SLC4A4: variants seen among roughly 807,000 people sequenced by gnomAD.
The protein encoded by SLC4A4 is solute carrier family 4 member 4.
A neutral mutation model predicts 111.5 loss-of-function variants in SLC4A4; 27 were observed. The ratio of observed to expected loss-of-function variants is 0.24; its 90% CI spans 0.18 to 0.33. The LOEUF is 0.33. Among genes scored for constraint, SLC4A4 ranks in the 10% least tolerant of loss-of-function variants. The pLI, the probability that SLC4A4 is intolerant of heterozygous loss-of-function variation, is 1.00. For missense variants in SLC4A4, 909 were observed against 1,315.5 expected (o/e 0.69, Z 4.78); for synonymous variants, 443 against 463.4 (o/e 0.96, Z 0.57).
intron 16 of SLC4A4, among the ~76,000 whole-genome samples, chr4:71,520,274 C>G (rs146046662): frequency 1.3e-5 from 2 of 152,182 alleles, no homozygotes; most frequent in Admixed American, 6.5e-5. Context: ...ACAGTCATTT[C>G]TCTTTTGTTC....
intron 3 of SLC4A4, among the ~76,000 whole-genome samples, chr4:71,278,075 C>G (rs915566684): frequency 9.9e-5 from 15 of 152,052 alleles, no homozygotes; most frequent in Admixed American, 3.9e-4. Flanking sequence ...AAGTTTGTAT[C>G]CTTGGACCAA....
chr4:71,476,735 G>A (rs1224076343), intron 14 of SLC4A4, among the ~76,000 whole-genome samples: 3 of 151,286 alleles, frequency 2.0e-5, no homozygotes, highest in Admixed American at 2.0e-4. Context: ...CCCAACTACT[G>A]CTTGGTAACC....
chr4:71,486,985 A>C lies in SLC4A4; in HGVS notation c.1941A>C (p.Pro647=), dbSNP rs747392826. 1.6e-5 allele frequency: 26 copies of C among 1,603,140 alleles called. No homozygotes were observed. The East Asian group carries it at 5.6e-4, about 35-fold the overall frequency. ...ISISNDTTLA[P]EYLPTMSSTD... is the part of the protein sequence containing the mutation. The stretch of plus-strand genomic sequence containing the variant: ...TATCTAATGACACCACACTGGCCCC[A>C]GAGTATTTGCCAACTATGTCTTCTA... The change falls in exon 15 of 26, where the codon CCA becomes CCC. Residue 647 remains proline (P), a synonymous_variant. Transcript: ENST00000264485.
chr4:71,493,093 A>G (rs1024462010), intron 15 of SLC4A4, among the ~76,000 whole-genome samples: 6 of 151,730 alleles, frequency 4.0e-5, no homozygotes, highest in Middle Eastern at 6.8e-3. Flanking sequence ...ACATTTTTCT[A>G]TTTTCTAGAT....
At chr4:71,172,084 A>C (rs1280764571) in intron 2 of SLC4A4, among the ~76,000 whole-genome samples, 1 of 152,164 alleles carries the variant, frequency 6.6e-6, no homozygotes, top group Non-Finnish European at 1.5e-5. Context: ...CTATGAAAAA[A>C]ATTGAGTATT....
At chr4:71,412,445 T>G (rs1050372354) in intron 7 of SLC4A4, among the ~76,000 whole-genome samples, 3 of 152,250 alleles carry the variant, frequency 2.0e-5, no homozygotes, top group African/African-American at 7.2e-5. Context: ...TATTGTTTTT[T>G]GCTCCAGATA....
At chr4:71,212,922 T>C (rs1718219073) in intron 1 of SLC4A4, among the ~76,000 whole-genome samples, 1 of 152,130 alleles carries the variant, frequency 6.6e-6, no homozygotes, top group East Asian at 1.9e-4. Context: ...TCCCATAAAT[T>C]TATATTATTG....
chr4:71,130,982 C>T (rs866929132), intron 2 of SLC4A4, among the ~76,000 whole-genome samples: 4 of 152,122 alleles, frequency 2.6e-5, no homozygotes, highest in East Asian at 3.9e-4. Flanking sequence ...ACATCTATCC[C>T]GTGCTGAGAA....
At chr4:71,084,563 C>T (rs1291476461) in intron 1 of SLC4A4, among the ~76,000 whole-genome samples, 1 of 151,936 alleles carries the variant, frequency 6.6e-6, no homozygotes, top group African/African-American at 2.4e-5. Context: ...CCTGCCCCCA[C>T]TGCACAACAG....
At chr4:71,460,128 A>C (rs6817208) in intron 12 of SLC4A4, among the ~76,000 whole-genome samples, 27,106 of 151,908 alleles carry the variant, frequency 0.18, 2,866 homozygotes, top group South Asian at 0.37. Context: ...AACCTTATTT[A>C]TGATTTCTTT....
At chr4:71,119,132 T>C (rs371857743) in intron 2 of SLC4A4, among the ~76,000 whole-genome samples, 44 of 152,348 alleles carry the variant, frequency 2.9e-4, no homozygotes, top group African/African-American at 1.0e-3. Flanking sequence ...GGGTTGCTGA[T>C]AGTGGAAAGG....
intron 2 of SLC4A4, among the ~76,000 whole-genome samples, chr4:71,125,159 G>A (rs1743528446): frequency 6.6e-6 from 1 of 152,138 alleles, no homozygotes; most frequent in Admixed American, 6.6e-5. Flanking sequence ...TAGGCAAGTG[G>A]CTTAAAAAAA....
Position 71,349,976 on chromosome 4 carries a change from A to T in SLC4A4, c.454A>T (p.Thr152Ser). 1 of 1,614,146 alleles carries T rather than the reference A, an allele frequency of 6.2e-7. No individual in the cohort carries two copies. The highest frequency in any genetic ancestry group is 8.5e-7 in the Non-Finnish European group (1 of 1,179,980). The change falls in exon 5 of 26, where the codon ACA (threonine) becomes TCA (serine). Residue 152 changes from threonine (T) to serine (S), a missense_variant. By Grantham distance (58) the Thr-to-Ser change is moderately conservative. This residue lies in a region of SLC4A4 where 312 missense variants were observed against 402.0 expected (regional missense o/e 0.78). Coordinates refer to ENST00000264485, the MANE Select transcript of SLC4A4 (RefSeq NM_001098484.3). ...GERWSKPHVA[T>S]LSLHSLFELR... ...AAGATGGAGCAAGCCCCATGTGGCCACATTGTCCCTTCATAGTTTATTTGA... is the reference window on the plus strand; with the variant it reads ...AAGATGGAGCAAGCCCCATGTGGCCTCATTGTCCCTTCATAGTTTATTTGA...
intron 2 of SLC4A4, among the ~76,000 whole-genome samples, chr4:71,145,626 C>A (rs1744142521): frequency 6.6e-6 from 1 of 152,028 alleles, no homozygotes; most frequent in Non-Finnish European, 1.5e-5. Flanking sequence ...AATTTCAGAG[C>A]CTGTTATTGG....
chr4:71,110,406 A>T (rs1216472456), intron 2 of SLC4A4, among the ~76,000 whole-genome samples: 1 of 151,974 alleles, frequency 6.6e-6, no homozygotes, highest in African/African-American at 2.4e-5. Flanking sequence ...GGGTTTCACC[A>T]TGTTGCTCAG....
intron 17 of SLC4A4, among the ~76,000 whole-genome samples, chr4:71,533,678 A>G (rs1734144584): frequency 6.6e-6 from 1 of 151,966 alleles, no homozygotes; most frequent in South Asian, 2.1e-4. Flanking sequence ...GAATTTTTAC[A>G]TTAGTTCACT....
intron 7 of SLC4A4, among the ~76,000 whole-genome samples, chr4:71,433,074 T>A (rs925291596): frequency 1.3e-5 from 2 of 152,134 alleles, no homozygotes; most frequent in African/African-American, 4.8e-5. Flanking sequence ...GAATAACACC[T>A]ATAAGATAAG....
intron 3 of SLC4A4, among the ~76,000 whole-genome samples, chr4:71,281,513 G>A (rs1303619730): frequency 4.6e-5 from 7 of 152,084 alleles, no homozygotes; most frequent in Admixed American, 3.3e-4. Flanking sequence ...TTGACCCTAG[G>A]CAGTCTCTGA....
intron 23 of SLC4A4, among the ~76,000 whole-genome samples, chr4:71,562,836 A>C (rs1737115887): frequency 6.6e-6 from 1 of 151,424 alleles, no homozygotes; most frequent in Non-Finnish European, 1.5e-5. Flanking sequence ...CTCTAAAAGG[A>C]TACTGTTGTT....
Sources: allele counts gnomAD v4.1 joint callset (sites outside exome capture counted in the v4.1 genomes callset), GRCh38; gene constraint gnomAD v4.1.1; regional missense constraint gnomAD v4.1.1; transcripts MANE v1.5; gene names NCBI Gene and HGNC (gene_info 2026-07-23, HGNC 2026-07-21).